The following MYBPH variants were observed in gnomAD, a reference collection of about 807,000 sequenced individuals.
The protein encoded by MYBPH is myosin binding protein H, also known as myosin-binding protein H.
Under a neutral mutation model 53.6 loss-of-function variants are expected in MYBPH, and 49 were observed. That is an observed-to-expected ratio of 0.91 (90% CI 0.73 to 1.16). The LOEUF is 1.16. Among genes scored for constraint, MYBPH ranks in the 50% most tolerant of loss-of-function variants. The pLI, the probability that MYBPH is intolerant of heterozygous loss-of-function variation, is 0.00. For synonymous variants in MYBPH, 239 were observed against 249.6 expected (o/e 0.96, Z 0.40); for missense variants, 558 against 624.1 (o/e 0.89, Z 1.13).
rs375861032 is a variant in MYBPH, at chr1:203,170,255, G to A, written c.1093+36C>T. On this transcript the variant is annotated intron_variant, in intron 7 of 10. Coordinates refer to ENST00000255416, the MANE Select transcript of MYBPH (RefSeq NM_004997.3). ...GCGGAGGAAGAAGCAGAGACAGGGA[G>A]AGAGTTAGCACAGCCAGCTCCGGGC... is the stretch of plus-strand genomic sequence containing the variant. The A allele has an allele frequency of 4.3e-6, 7 of 1,611,480 alleles. No individual in the cohort carries two copies. In the African/African-American group the frequency reaches 8.0e-5, roughly 18 times the overall value.
At position 203,171,764 on chromosome 1, in the gene MYBPH, C is replaced by A. The variant is rs1655703835; in HGVS notation, c.598-186G>T. 6.6e-6 allele frequency among the ~76,000 whole-genome samples: 1 copy of A among 152,230 alleles called. No individual in the cohort carries two copies. Among genetic ancestry groups the A allele is most frequent in the African/African-American group, 2.4e-5 (1 of 41,470 alleles). On this transcript the variant is annotated intron_variant, in intron 4 of 10. Transcript: ENST00000255416. This position sits in a 1 kb window ranked among gnomAD's most constrained non-coding sequence, Gnocchi z 4.2. ...ACATCTTCCAGGTGTCCATCCCGCT[C>A]TGGGGGCCCACCTGCCCATCCACAG...
intron 3 of MYBPH, among the ~76,000 whole-genome samples, chr1:203,173,721 C>T (rs778963648): frequency 3.9e-5 from 6 of 152,226 alleles, no homozygotes; most frequent in Admixed American, 2.0e-4. Flanking sequence ...AGGCCACCTG[C>T]CTGCCTGTGT....
At chr1:203,176,449 G>A (rs750508091), upstream of MYBPH, among the ~76,000 whole-genome samples, 3 of 152,148 alleles carry the variant, frequency 2.0e-5, no homozygotes, top group African/African-American at 4.8e-5. Flanking sequence ...TCAGTTGGGC[G>A]GCTGGTAAGG....
upstream of MYBPH, among the ~76,000 whole-genome samples, chr1:203,177,142 G>T (rs903120982): frequency 4.6e-5 from 7 of 152,176 alleles, no homozygotes; most frequent in Admixed American, 4.6e-4. Context: ...GTCAACACCA[G>T]GCTCCCTTCT....
At position 203,172,007 on chromosome 1, in the gene MYBPH, C is replaced by T. The variant is rs751018911; in HGVS notation, c.542G>A (p.Arg181His). The T allele has an allele frequency of 1.7e-5, 22 of 1,320,300 alleles. No individual in the cohort carries two copies. The Admixed American group carries it at 2.1e-4, about 13-fold the overall frequency. 81.8% of individuals were successfully genotyped at this position (1,320,300 alleles called of 1,614,324 possible). ...TCCCACCTGGCGGATGTAGGTCTGA[C>T]GGAGGTGGCGGGGGACACGGATCTT... The part of the protein sequence containing the change: ...APKIRVPRHL[R>H]QTYIRQVGET... Residue 181 changes from arginine to histidine, a missense_variant, in exon 4 of 11, where the codon CGT becomes CAT. Physicochemically the swap from Arg to His is conservative, Grantham distance 29 (BLOSUM62 0). Transcript: ENST00000255416.
At position 203,171,090 on chromosome 1, in the gene MYBPH, T is replaced by C. The variant is rs1379251546; in HGVS notation, c.904A>G (p.Met302Val). The C allele has an allele frequency of 6.2e-7, 1 of 1,609,184 alleles. No individual in the cohort carries two copies. The highest frequency in any genetic ancestry group is 8.5e-7 in the Non-Finnish European group (1 of 1,178,186). ...DTGNTELLGYMVQKADKKTGQ... is the reference protein window; with the variant it reads ...DTGNTELLGYVVQKADKKTGQ... ...GTCTTTTTGTCTGCCTTCTGCACCATGTAGCCCAGGAGCTCTGTGTTGCCT... is the reference window on the plus strand; with the variant it reads ...GTCTTTTTGTCTGCCTTCTGCACCACGTAGCCCAGGAGCTCTGTGTTGCCT... The change falls in exon 6 of 11, where the codon ATG becomes GTG. Residue 302 changes from methionine (M) to valine (V), a missense_variant. Coordinates refer to ENST00000255416, the MANE Select transcript of MYBPH (RefSeq NM_004997.3). This position sits in a 1 kb window ranked among gnomAD's most constrained non-coding sequence, Gnocchi z 4.2.
chr1:203,174,227 G>T, intron 3 of MYBPH: 2 of 843,266 alleles, frequency 2.4e-6, no homozygotes, highest in Non-Finnish European at 2.9e-6. Flanking sequence ...CAGGGAAATG[G>T]CTTCTTAGAC....
At chr1:203,176,233 A>G (rs1413258735), upstream of MYBPH, among the ~76,000 whole-genome samples, 1 of 152,148 alleles carries the variant, frequency 6.6e-6, no homozygotes, top group African/African-American at 2.4e-5. Flanking sequence ...AGTTTGGGAC[A>G]ATCGTCCTTG....
At chr1:203,173,577 A>C (rs1655742377) in intron 3 of MYBPH, among the ~76,000 whole-genome samples, 1 of 152,230 alleles carries the variant, frequency 6.6e-6, no homozygotes, top group South Asian at 2.1e-4. Context: ...CAGGCCTCAG[A>C]GCTGAGCATT....
chr1:203,177,607 T>A (rs539839651), upstream of MYBPH, among the ~76,000 whole-genome samples: 19 of 152,158 alleles, frequency 1.2e-4, no homozygotes, highest in African/African-American at 4.6e-4. Flanking sequence ...AGGCAGGGAG[T>A]GGGTCCTGGA....
upstream of MYBPH, among the ~76,000 whole-genome samples, chr1:203,177,458 A>G (rs2364572): frequency 0.92 from 140,480 of 152,308 alleles, 65,065 homozygotes; most frequent in Non-Finnish European, 0.97. Context: ...CCCTTTCCTG[A>G]GGACTGGGGA....
upstream of MYBPH, among the ~76,000 whole-genome samples, chr1:203,177,623 G>T (rs1558146579): frequency 6.6e-6 from 1 of 152,214 alleles, no homozygotes; most frequent in Non-Finnish European, 1.5e-5. Flanking sequence ...CTGGAGACTG[G>T]ATCTCCATCC....
chr1:203,177,316 G>A (rs1299707205), upstream of MYBPH, among the ~76,000 whole-genome samples: 2 of 152,246 alleles, frequency 1.3e-5, no homozygotes, highest in Non-Finnish European at 2.9e-5. Flanking sequence ...TGGTTACACA[G>A]GTTCTTACTA....
chr1:203,171,647 G>C lies in MYBPH; in HGVS notation c.598-69C>G. Reference sequence around the variant, plus strand: ...AGTCCCCACACCTCCTTAACTCCAGGAGTCTCTGGAGCTGTTCTCGGGGAA... The same window carrying C: ...AGTCCCCACACCTCCTTAACTCCAGCAGTCTCTGGAGCTGTTCTCGGGGAA... On this transcript the variant is annotated intron_variant, in intron 4 of 10. Coordinates refer to ENST00000255416, the MANE Select transcript of MYBPH (RefSeq NM_004997.3). This position sits in a 1 kb window ranked among gnomAD's most constrained non-coding sequence, Gnocchi z 4.2. The C allele has an allele frequency of 7.0e-7, 1 of 1,428,480 alleles. No homozygotes were observed. Among genetic ancestry groups the C allele is most frequent in the African/African-American group, 1.4e-5 (1 of 70,024 alleles). The allele number at this position is 1,428,480 out of a possible 1,614,324, so 88.5% of individuals were successfully genotyped here. A position where few individuals can be genotyped will look rare whatever the true frequency, so the allele number is the denominator to read the frequency against.
chr1:203,175,626 C>G lies in MYBPH; in HGVS notation c.130G>C (p.Val44Leu). Residue 44 changes from valine to leucine, a missense_variant, in exon 1 of 11, where the codon GTG becomes CTG. By Grantham distance (32) the Val-to-Leu change is conservative. Coordinates refer to ENST00000255416, the MANE Select transcript of MYBPH (RefSeq NM_004997.3). ...GGGGCAGGGGCCTGCGGCTTGGGCACCTGCTCTTCTCTGGTGGACTCTGAT... is the reference window on the plus strand; with the variant it reads ...GGGGCAGGGGCCTGCGGCTTGGGCAGCTGCTCTTCTCTGGTGGACTCTGAT... ...AVSESTREEQ[V>L]PKPQAPAPQA... The G allele has an allele frequency of 6.2e-7, 1 of 1,614,038 alleles. No individual in the cohort carries two copies. The highest frequency in any genetic ancestry group is 1.1e-5 in the South Asian group (1 of 91,084).
upstream of MYBPH, chr1:203,175,864 G>T (rs866776618): frequency 1.1e-5 from 12 of 1,096,934 alleles, 1 homozygote; most frequent in Middle Eastern, 2.4e-3. Context: ...ATAGTCAGGG[G>T]CTGCCCCACC....
rs558440052 is a variant in MYBPH at position 203,171,761 on chromosome 1, G to A, written c.598-183C>T. Among the ~76,000 whole-genome samples the A allele has an allele frequency of 5.3e-5, 8 of 152,316 alleles. No individual in the cohort carries two copies. The highest frequency in any genetic ancestry group is 1.9e-4 in the East Asian group (1 of 5,178). ...GCCACATCTTCCAGGTGTCCATCCCGCTCTGGGGGCCCACCTGCCCATCCA... is the reference window on the plus strand; with the variant it reads ...GCCACATCTTCCAGGTGTCCATCCCACTCTGGGGGCCCACCTGCCCATCCA... On this transcript the variant is annotated intron_variant, in intron 4 of 10. Transcript: ENST00000255416. The surrounding 1 kb of genome is among the most constrained non-coding windows in gnomAD (Gnocchi z 4.2).
upstream of MYBPH, among the ~76,000 whole-genome samples, chr1:203,177,658 A>G (rs910684624): frequency 6.6e-6 from 1 of 152,244 alleles, no homozygotes; most frequent in African/African-American, 2.4e-5. Flanking sequence ...TGCAGCTATA[A>G]GTGAATGTGA....
intron 10 of MYBPH, 130 bp from the exon 11 acceptor site, chr1:203,168,221 C>G: frequency 3.8e-6 from 1 of 261,886 alleles, no homozygotes; most frequent in South Asian, 4.0e-5. Flanking sequence ...GTGCAATGCC[C>G]AGGTCTGAGC....
Sources: gnomAD v4.1 joint callset for allele counts (sites outside exome capture counted in the v4.1 genomes callset) on GRCh38, gnomAD v4.1.1 for gene constraint, Gnocchi (gnomAD v3.1) non-coding constraint, MANE v1.5 for transcripts, NCBI Gene and HGNC (gene_info 2026-07-23, HGNC 2026-07-21) for gene names.